The following MAP2K3 variants were observed in gnomAD, a reference collection of about 807,000 sequenced individuals.
MAP2K3 encodes dual specificity mitogen-activated protein kinase kinase 3.
A neutral mutation model predicts 46.4 loss-of-function variants in MAP2K3; 30 were observed. The observed-to-expected ratio is 0.65, with a 90% CI of 0.48 to 0.88. The LOEUF (loss-of-function observed/expected upper bound fraction) is 0.88. Ranked by LOEUF, MAP2K3 falls within the 40% of genes least tolerant of loss-of-function variation. The pLI, the probability that MAP2K3 is intolerant of heterozygous loss-of-function variation, is 0.00. For synonymous variants in MAP2K3, 189 were observed against 176.3 expected, an observed-to-expected ratio of 1.07 and a Z score of -0.57; for missense variants, 380 against 464.5, an observed-to-expected ratio of 0.82 and a Z score of 1.67.
chr17:21,294,013 G>A (rs893340276), intron 1 of MAP2K3, among the ~76,000 whole-genome samples: 1 of 152,310 alleles, frequency 6.6e-6, no homozygotes, highest in Admixed American at 6.5e-5. Context: ...CACCTGTCCT[G>A]GGGAGAGGGG....
Position 21,314,305 on chromosome 17 carries a change from C to T in MAP2K3, c.*75C>T, listed in dbSNP as rs1597510473. On this transcript the variant is annotated 3_prime_UTR_variant, in exon 12 of 12. Transcript: ENST00000342679. ...TCTGCGGGGGCAGTGCTCACCCACA[C>T]CATAAGCTACTGCCATCCTGGCCCA... The T allele has an allele frequency of 2.0e-5, 26 of 1,277,212 alleles. No individual in the cohort carries two copies. The highest frequency in any genetic ancestry group is 3.0e-5 in the Non-Finnish European group (26 of 880,450). 79.1% of individuals were successfully genotyped at this position (1,277,212 alleles called of 1,614,324 possible). A position where few individuals can be genotyped will look rare whatever the true frequency, so the allele number is the denominator to read the frequency against.
At chr17:21,303,459 T>C (rs1597821864) in intron 7 of MAP2K3, among the ~76,000 whole-genome samples, 3 of 152,308 alleles carry the variant, frequency 2.0e-5, no homozygotes. Flanking sequence ...CTGAGAAAGG[T>C]GGACTGGGTT....
chr17:21,299,848 G>A (rs1976490401), intron 3 of MAP2K3, among the ~76,000 whole-genome samples: 1 of 152,294 alleles, frequency 6.6e-6, no homozygotes, highest in South Asian at 2.1e-4. Flanking sequence ...CCGGTGTGGT[G>A]GCAGGCGCCT....
rs1334689698 is a variant in MAP2K3, at chr17:21,315,109, G to A, written c.*879G>A. On this transcript the variant is annotated 3_prime_UTR_variant, in exon 12 of 12. Transcript: ENST00000342679. ...TGACAGGGGCTATGGGTTTGCTTTG[G>A]TGTTGTTTTTAAAAAAAGAAAATAT... 6.6e-6 allele frequency: 1 copy of A among 151,782 alleles called. No homozygotes were observed. The highest frequency in any genetic ancestry group is 1.5e-5 in the Non-Finnish European group (1 of 67,960). 9.4% of individuals were successfully genotyped at this position (151,782 alleles called of 1,614,324 possible).
intron 7 of MAP2K3, 150 bp from the exon 8 acceptor site, chr17:21,304,276 T>C: frequency 7.0e-7 from 1 of 1,423,806 alleles, no homozygotes; most frequent in Non-Finnish European, 9.7e-7. Context: ...GGTCTGACCC[T>C]TGGGACCCTG....
Position 21,300,661 on chromosome 17 carries a change from G to C in MAP2K3, c.279+3G>C. 6.2e-7 allele frequency: 1 copy of C among 1,607,564 alleles called. No individual in the cohort carries two copies. Among genetic ancestry groups the C allele is most frequent in the South Asian group, 1.1e-5 (1 of 90,056 alleles). ...GCGGCACCATCATGGCCGTGAAGGT[G>C]AGCAGGGCCTGGAGGCAGCTGGGAG... On this transcript the variant is annotated splice_donor_region_variant and intron_variant, in intron 4 of 11. Transcript: ENST00000342679.
chr17:21,299,381 A>C (rs1976459717), intron 3 of MAP2K3, among the ~76,000 whole-genome samples: 3 of 152,304 alleles, frequency 2.0e-5, no homozygotes, highest in Non-Finnish European at 4.4e-5. Context: ...CGTTCCTCCC[A>C]ACAGAAACCC....
Position 21,300,953 on chromosome 17 carries a change from G to GC in MAP2K3, c.359_360insC (p.Tyr122LeufsTer36). ...GACATCAACATGCGCACGGTCGACT[G>GC]TTTCTACACTGTCACCTTCTACGGG... is the stretch of plus-strand genomic sequence containing the variant. On this transcript the variant is annotated frameshift_variant, in exon 5 of 12. Transcript: ENST00000342679. LOFTEE classifies it high-confidence loss of function. 1 of 1,614,254 alleles carries GC rather than the reference G, an allele frequency of 6.2e-7. No homozygotes were observed. Among genetic ancestry groups the GC allele is most frequent in the Non-Finnish European group, 8.5e-7 (1 of 1,180,038 alleles).
intron 1 of MAP2K3, among the ~76,000 whole-genome samples, chr17:21,285,643 CTAAGG>C (rs1975702619): frequency 6.6e-6 from 1 of 152,194 alleles, no homozygotes; most frequent in Non-Finnish European, 1.5e-5. Context: ...CCACCCCTCC[CTAAGG>C]TACAGCCCCC....
intron 6 of MAP2K3, 122 bp from the exon 7 acceptor site, chr17:21,303,061 T>A: frequency 1.5e-6 from 2 of 1,321,380 alleles, no homozygotes; most frequent in Non-Finnish European, 1.1e-6. Flanking sequence ...AGAGGGTGCG[T>A]AGCCTGTGCA....
intron 3 of MAP2K3, 189 bp from the exon 4 acceptor site, chr17:21,300,356 G>GGCTCAGAGA: frequency 1.6e-6 from 1 of 639,264 alleles, no homozygotes; most frequent in Non-Finnish European, 2.8e-6. Flanking sequence ...GTTTTATAGA[G>GGCTCAGAGA]GGCATCGTGA....
At chr17:21,310,444 T>G (rs1977109946) in intron 9 of MAP2K3, among the ~76,000 whole-genome samples, 1 of 152,154 alleles carries the variant, frequency 6.6e-6, no homozygotes, top group Admixed American at 6.6e-5. Context: ...CATTTCAAAT[T>G]CTCAGCCATC....
chr17:21,287,980 G>A (rs1008190544), intron 1 of MAP2K3: 6 of 1,268,126 alleles, frequency 4.7e-6, no homozygotes, highest in Non-Finnish European at 6.2e-6. Flanking sequence ...CACCCCTCTT[G>A]TGACGCACAG....
chr17:21,311,359 A>G (rs1977151233), intron 9 of MAP2K3, among the ~76,000 whole-genome samples: 2 of 151,952 alleles, frequency 1.3e-5, no homozygotes, highest in Non-Finnish European at 2.9e-5. Context: ...GTTGTAAGCT[A>G]GCTAGTCCGT....
intron 2 of MAP2K3, 87 bp downstream of exon 2, chr17:21,298,566 C>A: frequency 6.2e-7 from 1 of 1,606,018 alleles, no homozygotes; most frequent in South Asian, 1.1e-5. Context: ...CAGGTGGGGC[C>A]AGCCCTGCTT....
Position 21,291,336 on chromosome 17 carries a change from T to TACAACACAAC in MAP2K3, c.49+6371_49+6372insCACAACACAA, listed in dbSNP as rs1184530488. On this transcript the variant is annotated intron_variant, in intron 1 of 11. Coordinates refer to ENST00000342679, the MANE Select transcript of MAP2K3 (RefSeq NM_145109.3). ...TACAATAGAATACAATAGAATACAG[T>TACAACACAAC]ACAATACAATACAACACAACACAAC... 5.0e-4 allele frequency: 27 copies of TACAACACAAC among 53,750 alleles called. No homozygotes were observed. The African/African-American group carries it at 6.5e-3, about 13-fold the overall frequency. 3.3% of individuals were successfully genotyped at this position (53,750 alleles called of 1,614,324 possible). A position where few individuals can be genotyped will look rare whatever the true frequency, so the allele number is the denominator to read the frequency against.
At chr17:21,291,458 G>C (rs904052887) in intron 1 of MAP2K3, 1 of 456,474 alleles carries the variant, frequency 2.2e-6, no homozygotes, top group Non-Finnish European at 4.4e-6. Context: ...CTGGCCTGTC[G>C]ACAGTGCAGG....
chr17:21,313,704 TC>T (rs750390025), intron 11 of MAP2K3, 167 bp downstream of exon 11: 1 of 638,646 alleles, frequency 1.6e-6, no homozygotes, highest in East Asian at 2.7e-5. Context: ...CATACCTGGC[TC>T]CCTCCTCCCT....
At chr17:21,286,844 G>A (rs2144435431) in intron 1 of MAP2K3, among the ~76,000 whole-genome samples, 1 of 152,342 alleles carries the variant, frequency 6.6e-6, no homozygotes, top group Admixed American at 6.5e-5. Flanking sequence ...TGGAGGGTCA[G>A]GGACCTCCCT....
Sources: gnomAD v4.1 joint callset for allele counts (sites outside exome capture counted in the v4.1 genomes callset) on GRCh38, gnomAD v4.1.1 for gene constraint, MANE v1.5 for transcripts, NCBI Gene and HGNC (gene_info 2026-07-23, HGNC 2026-07-21) for gene names.